The following ZNF813 variants were observed in gnomAD, a reference collection of about 807,000 sequenced individuals.
The protein encoded by ZNF813 is zinc finger protein 813.
ZNF813 carries 3 observed loss-of-function variants against 7.2 expected under a neutral mutation model. The ratio of observed to expected loss-of-function variants is 0.42; its 90% CI spans 0.19 to 1.08. The LOEUF (loss-of-function observed/expected upper bound fraction) is 1.08. Among genes scored for constraint, ZNF813 ranks in the 50% least tolerant of loss-of-function variants. The pLI, the probability that ZNF813 is intolerant of heterozygous loss-of-function variation, is 0.30. For synonymous variants in ZNF813, 227 were observed against 256.3 expected, an observed-to-expected ratio of 0.89 and a Z score of 1.09; for missense variants, 714 against 753.3, an observed-to-expected ratio of 0.95 and a Z score of 0.61.
At chr19:53,485,657 T>A (rs1249094605) in intron 2 of ZNF813, among the ~76,000 whole-genome samples, 3 of 151,764 alleles carry the variant, frequency 2.0e-5, no homozygotes, top group Admixed American at 6.6e-5. Context: ...TCATGACATA[T>A]ATACACATAC....
intron 3 of ZNF813, among the ~76,000 whole-genome samples, chr19:53,487,765 T>C (rs1468400822): frequency 7.4e-6 from 1 of 135,022 alleles, no homozygotes; most frequent in Admixed American, 8.2e-5. Flanking sequence ...GCCATTGCCC[T>C]CCAGCCTGGG....
rs1008304704 is a variant in ZNF813, at chr19:53,492,766, C to T, written c.*680C>T. The T allele has an allele frequency of 5.9e-5, 35 of 595,190 alleles. No homozygotes were observed. Among genetic ancestry groups the T allele is most frequent in the Non-Finnish European group, 8.4e-5 (28 of 334,688 alleles). 36.9% of individuals were successfully genotyped at this position (595,190 alleles called of 1,614,324 possible). A position where few individuals can be genotyped will look rare whatever the true frequency, so the allele number is the denominator to read the frequency against. On this transcript the variant is annotated 3_prime_UTR_variant, in exon 4 of 4. Coordinates refer to ENST00000396403, the MANE Select transcript of ZNF813 (RefSeq NM_001004301.4). ...TCGTCCATACCTTGCAGTTCATTGGCGAACTCATACTGGAGACAAACCTTA... is the reference window on the plus strand; with the variant it reads ...TCGTCCATACCTTGCAGTTCATTGGTGAACTCATACTGGAGACAAACCTTA...
chr19:53,486,026 G>A (rs886255789), intron 2 of ZNF813, among the ~76,000 whole-genome samples: 8 of 152,126 alleles, frequency 5.3e-5, no homozygotes, highest in African/African-American at 1.9e-4. Context: ...AGCCTCCCGG[G>A]TAGCTGGGAT....
At chr19:53,470,185 C>CT (rs34821343) in intron 1 of ZNF813, among the ~76,000 whole-genome samples, 47,300 of 112,954 alleles carry the variant, frequency 0.42, 8,629 homozygotes, top group African/African-American at 0.52. Flanking sequence ...TTCTTTCTTT[C>CT]TTTCACTCTT....
chr19:53,479,543 C>T (rs1286084870), intron 1 of ZNF813: 11 of 1,197,282 alleles, frequency 9.2e-6, no homozygotes, highest in Non-Finnish European at 1.3e-5. Flanking sequence ...CTGGACTGTG[C>T]TCAGGAGCGC....
chr19:53,481,222 G>A (rs1250412970), intron 1 of ZNF813, among the ~76,000 whole-genome samples: 2 of 152,048 alleles, frequency 1.3e-5, no homozygotes, highest in African/African-American at 4.8e-5. Flanking sequence ...CAGAGGCCAC[G>A]AGGGGTTTTA....
Position 53,479,954 on chromosome 19 carries a change from G to A in ZNF813, c.-73-3796G>A, listed in dbSNP as rs183033829. On this transcript the variant is annotated intron_variant, in intron 1 of 3. Transcript: ENST00000396403. Reference sequence around the variant, plus strand: ...TCTCGAGGAGGCAGAGACCCATGCTGAGTTGGCTGAGAGATCAGTAGCCAA... The same window carrying A: ...TCTCGAGGAGGCAGAGACCCATGCTAAGTTGGCTGAGAGATCAGTAGCCAA... 7,683 of 775,504 alleles carry A rather than the reference G, an allele frequency of 9.9e-3. 6 individuals are homozygous for A. The highest frequency in any genetic ancestry group is 0.013 in the Non-Finnish European group (5,517 of 426,690). 48.0% of individuals were successfully genotyped at this position (775,504 alleles called of 1,614,324 possible). A position where few individuals can be genotyped will look rare whatever the true frequency, so the allele number is the denominator to read the frequency against.
At chr19:53,472,063 C>T (rs1429100503) in intron 1 of ZNF813, among the ~76,000 whole-genome samples, 4 of 152,088 alleles carry the variant, frequency 2.6e-5, no homozygotes, top group Admixed American at 6.6e-5. Flanking sequence ...TTTAAAAACT[C>T]GGAATTGTTG....
chr19:53,478,714 G>C (rs1249322968), intron 1 of ZNF813, among the ~76,000 whole-genome samples: 1 of 152,098 alleles, frequency 6.6e-6, no homozygotes, highest in Non-Finnish European at 1.5e-5. Flanking sequence ...GGAGGTAGAG[G>C]TTGCAATGAG....
At chr19:53,470,137 TTTTCTTTC>T (rs755719120) in intron 1 of ZNF813, among the ~76,000 whole-genome samples, 1 of 144,500 alleles carries the variant, frequency 6.9e-6, no homozygotes, top group Non-Finnish European at 1.5e-5. Flanking sequence ...AATACATTTG[TTTTCTTTC>T]TTTCTTTCTT....
Position 53,490,774 on chromosome 19 carries a change from C to A in ZNF813, c.542C>A (p.Ser181Tyr), listed in dbSNP as rs753445387. ...TCAATTTCAACATCCCAAAGAATTT[C>A]TTGTAGGCCCAAAACCCATATTTCT... The part of the protein sequence containing the change: ...ASSISTSQRI[S>Y]CRPKTHISNN... The change falls in exon 4 of 4, where the codon TCT becomes TAT. Residue 181 changes from serine to tyrosine, a missense_variant. Transcript: ENST00000396403. 1.9e-6 allele frequency: 3 copies of A among 1,614,188 alleles called. No homozygotes were observed. The highest frequency in any genetic ancestry group is 2.2e-5 in the South Asian group (2 of 91,078).
At chr19:53,483,573 T>C (rs1263007538) in intron 1 of ZNF813, among the ~76,000 whole-genome samples, 177 bp from the exon 2 acceptor site, 2 of 152,126 alleles carry the variant, frequency 1.3e-5, no homozygotes, top group African/African-American at 4.8e-5. Context: ...AGCGTGTGTG[T>C]GGGCTTCTCC....
At chr19:53,469,737 A>AAAC (rs33913521) in intron 1 of ZNF813, among the ~76,000 whole-genome samples, 1,814 of 146,958 alleles carry the variant, frequency 0.012, 27 homozygotes, top group African/African-American at 0.041. Context: ...TGCTGGTGGC[A>AAAC]AGAACAGAGG....
chr19:53,495,949 TC>T lies in ZNF813; in HGVS notation c.*3868del, dbSNP rs1226619782. ...AGAAACAAAAGCAAAATCATTCCAT[TC>T]CCCCAGTGGATTCAGATCAAAACTG... On this transcript the variant is annotated 3_prime_UTR_variant, in exon 4 of 4. Coordinates refer to ENST00000396403, the MANE Select transcript of ZNF813 (RefSeq NM_001004301.4). 1.1e-5 allele frequency: 4 copies of T among 348,940 alleles called. No individual in the cohort carries two copies. The highest frequency in any genetic ancestry group is 9.8e-5 in the Admixed American group (3 of 30,680). The allele number at this position is 348,940 out of a possible 1,614,324, so 21.6% of individuals were successfully genotyped here.
chr19:53,483,696 C>A (rs902017557), intron 1 of ZNF813, 54 bp from the exon 2 acceptor site: 39 of 1,533,838 alleles, frequency 2.5e-5, no homozygotes, highest in Non-Finnish European at 3.5e-5. Flanking sequence ...TGTTGTGTTA[C>A]AGGGAGGGGA....
chr19:53,474,307 TG>T (rs1235219151), intron 1 of ZNF813, among the ~76,000 whole-genome samples: 5 of 152,204 alleles, frequency 3.3e-5, no homozygotes, highest in African/African-American at 1.2e-4. Flanking sequence ...GGGGGCCAAG[TG>T]GGCCCCCATA....
rs568608307 is a variant in ZNF813, at chr19:53,470,374, T to A, written c.-74+2585T>A. Among the ~76,000 whole-genome samples, 110 of 149,974 alleles carry A rather than the reference T, an allele frequency of 7.3e-4. 1 individual carries two copies. In the South Asian group the frequency reaches 0.02, roughly 27 times the overall value. ...AGTGAATGAATGCATATTTTTTTTT[T>A]AATTTCTGCCTGAGTTTTCTCCCTT... On this transcript the variant is annotated intron_variant, in intron 1 of 3. Transcript: ENST00000396403.
chr19:53,469,953 A>G, intron 1 of ZNF813, among the ~76,000 whole-genome samples: 1 of 146,442 alleles, frequency 6.8e-6, no homozygotes, highest in Non-Finnish European at 1.5e-5. Flanking sequence ...ATTTACATCT[A>G]AAAAGCTGAG....
chr19:53,474,379 C>T (rs779017416), intron 1 of ZNF813, among the ~76,000 whole-genome samples: 1 of 152,146 alleles, frequency 6.6e-6, no homozygotes, highest in African/African-American at 2.4e-5. Context: ...CAGCAGAGAG[C>T]CACAGCACAT....
Sources: gnomAD v4.1 joint callset for allele counts (sites outside exome capture counted in the v4.1 genomes callset) on GRCh38, gnomAD v4.1.1 for gene constraint, MANE v1.5 for transcripts, NCBI Gene and HGNC (gene_info 2026-07-23, HGNC 2026-07-21) for gene names.